The following LUZP2 variants were observed in gnomAD, a reference collection of about 807,000 sequenced individuals.
LUZP2 encodes the protein leucine zipper protein 2.
A neutral mutation model predicts 51.6 loss-of-function variants in LUZP2; 52 were observed. The observed-to-expected ratio is 1.01, with a 90% CI of 0.81 to 1.27. The LOEUF is 1.27. Among genes scored for constraint, LUZP2 ranks in the 50% most tolerant of loss-of-function variants. The pLI is 0.00. For missense variants in LUZP2, 436 were observed against 395.4 expected (o/e 1.10, Z -0.87); for synonymous variants, 154 against 137.3 (o/e 1.12, Z -0.85).
At chr11:24,906,935 C>T (rs1565089860) in intron 6 of LUZP2, among the ~76,000 whole-genome samples, 1 of 152,058 alleles carries the variant, frequency 6.6e-6, no homozygotes, top group Non-Finnish European at 1.5e-5. Context: ...ACAAGTTTAC[C>T]CTTTGTCTCA....
intron 1 of LUZP2, among the ~76,000 whole-genome samples, chr11:24,514,012 T>C (rs947931908): frequency 2.6e-5 from 4 of 152,176 alleles, no homozygotes; most frequent in African/African-American, 9.7e-5. Context: ...CTATGTTCTA[T>C]AATAAGAAGC....
intron 7 of LUZP2, among the ~76,000 whole-genome samples, chr11:24,945,513 G>A (rs1311808644): frequency 8.1e-6 from 1 of 123,072 alleles, no homozygotes; most frequent in African/African-American, 3.1e-5. Context: ...TTTCAAATTT[G>A]CCTGTTTTTT....
At chr11:24,513,434 C>A (rs4922682) in intron 1 of LUZP2, among the ~76,000 whole-genome samples, 97,896 of 152,110 alleles carry the variant, frequency 0.64, 33,124 homozygotes, top group African/African-American at 0.86. Flanking sequence ...TATAGATGAG[C>A]TTTATCCTGG....
At chr11:24,514,620 T>G (rs2133784594) in intron 1 of LUZP2, among the ~76,000 whole-genome samples, 1 of 152,334 alleles carries the variant, frequency 6.6e-6, no homozygotes, top group Non-Finnish European at 1.5e-5. Flanking sequence ...ATGGATGTTC[T>G]TTGTTTATGT....
At chr11:24,947,936 T>C (rs1382567622) in intron 7 of LUZP2, among the ~76,000 whole-genome samples, 1 of 151,922 alleles carries the variant, frequency 6.6e-6, no homozygotes, top group Non-Finnish European at 1.5e-5. Flanking sequence ...TGTCTGAGCA[T>C]CAATTCTTTG....
chr11:24,756,975 C>T lies in LUZP2; in HGVS notation c.334-6271C>T, dbSNP rs145066391. On this transcript the variant is annotated intron_variant, in intron 4 of 11. Coordinates refer to ENST00000336930, the MANE Select transcript of LUZP2 (RefSeq NM_001009909.4). Reference sequence around the variant, plus strand: ...GAACTCGAGGAAACATCTACATTTACTAGTTTATTATAAAGGCAATTAAAA... The same window carrying T: ...GAACTCGAGGAAACATCTACATTTATTAGTTTATTATAAAGGCAATTAAAA... 4.6e-5 allele frequency among the ~76,000 whole-genome samples: 7 copies of T among 152,220 alleles called. No homozygotes were observed. The East Asian group carries it at 1.4e-3, about 29-fold the overall frequency.
At chr11:25,007,269 C>T (rs917606506) in intron 9 of LUZP2, among the ~76,000 whole-genome samples, 1 of 152,096 alleles carries the variant, frequency 6.6e-6, no homozygotes, top group African/African-American at 2.4e-5. Flanking sequence ...ATAGAAACAA[C>T]TCAAACAACA....
chr11:24,595,151 C>CAATA (rs1853399058), intron 1 of LUZP2, among the ~76,000 whole-genome samples: 1 of 140,032 alleles, frequency 7.1e-6, no homozygotes, highest in African/African-American at 2.7e-5. Context: ...TAATCTTTGT[C>CAATA]AATATATAAG....
At chr11:24,586,563 T>G (rs1216764461) in intron 1 of LUZP2, among the ~76,000 whole-genome samples, 1 of 152,086 alleles carries the variant, frequency 6.6e-6, no homozygotes, top group Non-Finnish European at 1.5e-5. Flanking sequence ...TAATGACCAT[T>G]AAAAAGTCAT....
chr11:24,595,910 A>G (rs955884073), intron 1 of LUZP2, among the ~76,000 whole-genome samples: 1 of 152,178 alleles, frequency 6.6e-6, no homozygotes, highest in Non-Finnish European at 1.5e-5. Context: ...TCAATTTGAT[A>G]AGTTTAATCA....
rs1019592998 is a variant in LUZP2 at position 24,889,832 on chromosome 11, A to T, written c.397-16159A>T. Among the ~76,000 whole-genome samples, 3 of 152,216 alleles carry T rather than the reference A, an allele frequency of 2.0e-5. No homozygotes were observed. The South Asian group carries it at 6.2e-4, about 32-fold the overall frequency. On this transcript the variant is annotated intron_variant, in intron 5 of 11. Transcript: ENST00000336930. ...TACCAACTGCCAGAATAAATTATGGACATACATTATAATCACTGTCCATTT... is the reference window on the plus strand; with the variant it reads ...TACCAACTGCCAGAATAAATTATGGTCATACATTATAATCACTGTCCATTT...
At chr11:24,588,925 A>G (rs1509595) in intron 1 of LUZP2, among the ~76,000 whole-genome samples, 8,432 of 152,194 alleles carry the variant, frequency 0.055, 282 homozygotes, top group Middle Eastern at 0.078. Flanking sequence ...TGACTGTTTC[A>G]TAGCCACCTT....
At chr11:24,950,742 G>T (rs772952047) in intron 7 of LUZP2, among the ~76,000 whole-genome samples, 1 of 151,222 alleles carries the variant, frequency 6.6e-6, no homozygotes, top group African/African-American at 2.4e-5. Context: ...TTATTCTTTT[G>T]CATTTATTGC....
chr11:24,546,941 T>G (rs1001691828), intron 1 of LUZP2, among the ~76,000 whole-genome samples: 3 of 149,810 alleles, frequency 2.0e-5, no homozygotes, highest in East Asian at 2.0e-4. Flanking sequence ...TGTGTGTGTT[T>G]TTGTTGTTGT....
chr11:24,983,121 TG>T lies in LUZP2; in HGVS notation c.598-4del. 6.2e-7 allele frequency: 1 copy of T among 1,610,488 alleles called. No homozygotes were observed. Among genetic ancestry groups the T allele is most frequent in the Non-Finnish European group, 8.5e-7 (1 of 1,178,080 alleles). On this transcript the variant is annotated splice_polypyrimidine_tract_variant and splice_region_variant and intron_variant, in intron 8 of 11. Coordinates refer to ENST00000336930, the MANE Select transcript of LUZP2 (RefSeq NM_001009909.4). ...GTAAATATGTTAATGCCTCTTTTTT[TG>T]TAGGAGTCACAGATGAAAGCAATGA...
chr11:25,046,237 AT>A (rs1858304284), intron 9 of LUZP2, among the ~76,000 whole-genome samples: 1 of 151,394 alleles, frequency 6.6e-6, no homozygotes, highest in South Asian at 2.1e-4. Flanking sequence ...AAAAAAAAAA[AT>A]GAGTCAATGA....
chr11:24,582,034 A>G (rs1852875883), intron 1 of LUZP2, among the ~76,000 whole-genome samples: 1 of 152,020 alleles, frequency 6.6e-6, no homozygotes, highest in Non-Finnish European at 1.5e-5. Flanking sequence ...CCATGATTCT[A>G]TTTTGAATCA....
At chr11:24,805,523 A>G (rs971035085) in intron 5 of LUZP2, among the ~76,000 whole-genome samples, 4 of 152,106 alleles carry the variant, frequency 2.6e-5, no homozygotes, top group Admixed American at 2.6e-4. Context: ...TCCTTTGTCA[A>G]CATTCTCTTG....
chr11:24,671,576 A>T lies in LUZP2; in HGVS notation c.63-57593A>T, dbSNP rs945831859. Among the ~76,000 whole-genome samples the T allele has an allele frequency of 9.2e-5, 14 of 152,070 alleles. No homozygotes were observed. In the East Asian group the frequency reaches 2.7e-3, roughly 29 times the overall value. ...CTCTCTGTCTTACACACACACACAC[A>T]CACACACACACACACTTTCACAAAT... On this transcript the variant is annotated intron_variant, in intron 1 of 11. Transcript: ENST00000336930.
Sources: gnomAD v4.1 joint callset for allele counts (sites outside exome capture counted in the v4.1 genomes callset) on GRCh38, gnomAD v4.1.1 for gene constraint, MANE v1.5 for transcripts, NCBI Gene and HGNC (gene_info 2026-07-23, HGNC 2026-07-21) for gene names.